WWC2: variants seen among roughly 807,000 people sequenced by gnomAD.
WWC2 encodes WW and C2 domain containing 2.
Under a neutral mutation model 138.5 loss-of-function variants are expected in WWC2, and 101 were observed. The observed-to-expected ratio is 0.73, with a 90% CI of 0.62 to 0.86. The LOEUF is 0.86. WWC2 is among the 40% of genes least tolerant of loss of function. The pLI is 0.00. For missense variants in WWC2, 1,420 were observed against 1,419.4 expected (o/e 1.00, Z -0.01); for synonymous variants, 558 against 538.4 (o/e 1.04, Z -0.50).
At position 183,249,842 on chromosome 4, in the gene WWC2, A is replaced by G. The variant is rs1443296178; in HGVS notation, c.880-78A>G. The G allele has an allele frequency of 4.2e-6, 5 of 1,196,450 alleles. No homozygotes were observed. The South Asian group carries it at 7.0e-5, about 17-fold the overall frequency. 74.1% of individuals were successfully genotyped at this position (1,196,450 alleles called of 1,614,324 possible). ...CTTCTTTAACTTTTCAATTACACAT[A>G]CTTCCCAGAAACAAAAGCAATTTAC... On this transcript the variant is annotated intron_variant, in intron 7 of 22. Transcript: ENST00000403733.
chr4:183,172,471 T>G (rs1734317669), intron 1 of WWC2, among the ~76,000 whole-genome samples: 1 of 152,176 alleles, frequency 6.6e-6, no homozygotes. Context: ...TGGAAGTAAT[T>G]TGGAGTAAAA....
intron 4 of WWC2, among the ~76,000 whole-genome samples, chr4:183,224,670 T>C (rs1322349346): frequency 6.6e-6 from 1 of 152,144 alleles, no homozygotes; most frequent in Non-Finnish European, 1.5e-5. Context: ...AAGTGATTCT[T>C]GTGCCTTAGC....
At chr4:183,246,472 A>G (rs1362250772) in intron 6 of WWC2, among the ~76,000 whole-genome samples, 1 of 152,242 alleles carries the variant, frequency 6.6e-6, no homozygotes, top group Non-Finnish European at 1.5e-5. Context: ...TCTTGGATCC[A>G]TATAATTTTG....
intron 1 of WWC2, among the ~76,000 whole-genome samples, chr4:183,114,406 G>A (rs898345365): frequency 6.6e-6 from 1 of 152,096 alleles, no homozygotes; most frequent in African/African-American, 2.4e-5. Context: ...AGAAATACAA[G>A]GTGTGAGACC....
intron 1 of WWC2, among the ~76,000 whole-genome samples, chr4:183,113,001 G>C (rs997840970): frequency 3.3e-5 from 5 of 152,058 alleles, no homozygotes; most frequent in Non-Finnish European, 5.9e-5. Context: ...CGCCGGGCAC[G>C]GTGGCTCATG....
chr4:183,124,851 C>T (rs1294650607), intron 1 of WWC2, among the ~76,000 whole-genome samples: 5 of 152,086 alleles, frequency 3.3e-5, no homozygotes, highest in Admixed American at 6.6e-5. Context: ...GTTGTGATTT[C>T]GTTATCTTGT....
intron 16 of WWC2, 142 bp from the exon 17 acceptor site, chr4:183,280,634 A>T: frequency 1.0e-6 from 1 of 975,112 alleles, no homozygotes; most frequent in Middle Eastern, 3.3e-4. Context: ...TTTGGGTTCT[A>T]TTTTATTCAG....
rs190316240 is a variant in WWC2, at chr4:183,118,077, A to C, written c.131+18455A>C. ...CCTCCCAAAGTGCTGGGATTACAGG[A>C]GTGAGCCACTGCGCCTGGCCGGTTA... On this transcript the variant is annotated intron_variant, in intron 1 of 22. Transcript: ENST00000403733. Among the ~76,000 whole-genome samples the C allele has an allele frequency of 5.9e-4, 90 of 152,206 alleles. 1 individual carries two copies. Among genetic ancestry groups the C allele is most frequent in the Middle Eastern group, 3.4e-3 (1 of 294 alleles).
intron 1 of WWC2, among the ~76,000 whole-genome samples, chr4:183,174,811 GTC>G (rs931503869): frequency 1.3e-5 from 2 of 150,304 alleles, no homozygotes; most frequent in African/African-American, 4.9e-5. Flanking sequence ...CTCTCTCTCT[GTC>G]TCTCTCTCTT....
At chr4:183,193,306 G>A (rs1425091909) in intron 1 of WWC2, among the ~76,000 whole-genome samples, 1 of 152,162 alleles carries the variant, frequency 6.6e-6, no homozygotes, top group Non-Finnish European at 1.5e-5. Context: ...TCACTGCAGA[G>A]CTAGAGCTAG....
chr4:183,188,740 G>A (rs1020351789), intron 1 of WWC2, among the ~76,000 whole-genome samples: 2 of 150,146 alleles, frequency 1.3e-5, no homozygotes, highest in Non-Finnish European at 3.0e-5. Flanking sequence ...CACCTCCCGG[G>A]TTCAAGCGAT....
intron 1 of WWC2, among the ~76,000 whole-genome samples, chr4:183,115,631 T>C (rs1732385504): frequency 6.6e-6 from 1 of 152,196 alleles, no homozygotes; most frequent in African/African-American, 2.4e-5. Flanking sequence ...TGTTGAGAAT[T>C]TTTTCATATG....
chr4:183,270,998 A>G, intron 15 of WWC2, 82 bp from the exon 16 acceptor site: 1 of 1,230,718 alleles, frequency 8.1e-7, no homozygotes, highest in Non-Finnish European at 1.1e-6. Flanking sequence ...AATAATCTTT[A>G]TTATATCAGA....
intron 21 of WWC2, among the ~76,000 whole-genome samples, chr4:183,310,698 T>G: frequency 6.9e-6 from 1 of 145,388 alleles, no homozygotes. Context: ...AGAGAGAGTG[T>G]CTCTCTATGT....
At chr4:183,116,679 A>C (rs1246246375) in intron 1 of WWC2, among the ~76,000 whole-genome samples, 1 of 152,240 alleles carries the variant, frequency 6.6e-6, no homozygotes, top group Admixed American at 6.5e-5. Context: ...TTAGCCACAC[A>C]TAATCTTCCA....
chr4:183,112,848 T>C (rs1367109985), intron 1 of WWC2, among the ~76,000 whole-genome samples: 1 of 152,108 alleles, frequency 6.6e-6, no homozygotes, highest in Admixed American at 6.6e-5. Context: ...GCCATTCATG[T>C]GAAGATCTGG....
intron 1 of WWC2, among the ~76,000 whole-genome samples, chr4:183,124,440 T>C (rs1234435621): frequency 6.6e-6 from 1 of 151,908 alleles, no homozygotes; most frequent in African/African-American, 2.4e-5. Context: ...AGTAACCAGC[T>C]CTTGGACTTA....
rs1053549507 is a variant in WWC2, at chr4:183,316,298, A to G, written c.*569A>G. 1 of 152,288 alleles carries G rather than the reference A, an allele frequency of 6.6e-6. No individual in the cohort carries two copies. The highest frequency in any genetic ancestry group is 1.9e-4 in the East Asian group (1 of 5,194). 9.4% of individuals were successfully genotyped at this position (152,288 alleles called of 1,614,324 possible). On this transcript the variant is annotated 3_prime_UTR_variant, in exon 23 of 23. Coordinates refer to ENST00000403733, the MANE Select transcript of WWC2 (RefSeq NM_024949.6). ...GGGAACACCTGGTTTCCTTAAGACA[A>G]TTTCCTTTTTGTCCTTTTATATTTT...
In WWC2 at chr4:183,170,966, C is replaced by A. The variant is rs150138040; in HGVS notation, c.132-22633C>A. Among the ~76,000 whole-genome samples, 1,355 of 152,122 alleles carry A rather than the reference C, an allele frequency of 8.9e-3. 7 individuals carry two copies. The highest frequency in any genetic ancestry group is 0.015 in the Non-Finnish European group (1,039 of 68,016). On this transcript the variant is annotated intron_variant, in intron 1 of 22. Transcript: ENST00000403733. ...TTATGACATTTAGAAAAAGTAATTT[C>A]TTCAAATCAATTTGGTTTTCCACTT...
Sources: allele counts gnomAD v4.1 joint callset (sites outside exome capture counted in the v4.1 genomes callset), GRCh38; gene constraint gnomAD v4.1.1; transcripts MANE v1.5; gene names NCBI Gene and HGNC (gene_info 2026-07-23, HGNC 2026-07-21).